TSGA10: variants seen among roughly 807,000 people sequenced by gnomAD.
The protein encoded by TSGA10 is testis specific 10.
Under a neutral mutation model 96.6 loss-of-function variants are expected in TSGA10, and 43 were observed. The ratio of observed to expected loss-of-function variants is 0.44; its 90% confidence interval spans 0.35 to 0.57. The LOEUF (loss-of-function observed/expected upper bound fraction) is 0.57, where lower values mean the gene tolerates loss of function less well. Among genes scored for constraint, TSGA10 ranks in the 20% least tolerant of loss-of-function variants. The probability of loss-of-function intolerance (pLI) is 0.01; values close to 1 mark genes in which losing one functional copy is unlikely to be tolerated. For missense variants in TSGA10, 703 were observed against 834.4 expected (o/e 0.84, Z 1.94); for synonymous variants, 229 against 269.9 (o/e 0.85, Z 1.48).
chr2:99,021,407 A>G (rs1443379413), intron 17 of TSGA10, among the ~76,000 whole-genome samples: 1 of 152,220 alleles, frequency 6.6e-6, no homozygotes, highest in Admixed American at 6.5e-5. Flanking sequence ...TTATATCTCT[A>G]CTAACATAAA....
chr2:99,132,907 A>G (rs2093161007), intron 1 of TSGA10, among the ~76,000 whole-genome samples: 1 of 152,154 alleles, frequency 6.6e-6, no homozygotes, highest in African/African-American at 2.4e-5. Flanking sequence ...CGTGATTTTG[A>G]GTGAGTTTCT....
At chr2:99,004,612 T>C (rs1354968704) in intron 20 of TSGA10, among the ~76,000 whole-genome samples, 1 of 152,108 alleles carries the variant, frequency 6.6e-6, no homozygotes, top group African/African-American at 2.4e-5. Flanking sequence ...AATCTCTGAA[T>C]AGACCAATAA....
rs151009539 is a variant in TSGA10, at chr2:99,103,922, A to G, written c.611+45T>C. On this transcript the variant is annotated intron_variant, in intron 10 of 20. Transcript: ENST00000393483. ...AAAATACACTATAAAAAGCAGAGCT[A>G]TAGTTATAGTAAACTGTTGGTTGTT... 59 of 1,590,808 alleles carry G rather than the reference A, an allele frequency of 3.7e-5. No homozygotes were observed. The African/African-American group carries it at 7.3e-4, about 20-fold the overall frequency.
chr2:99,006,531 G>A (rs1159500708), intron 20 of TSGA10, among the ~76,000 whole-genome samples: 7 of 152,062 alleles, frequency 4.6e-5, no homozygotes, highest in Non-Finnish European at 1.5e-5. Context: ...GCAGCCAAAA[G>A]ACACATGAAA....
In TSGA10 at chr2:99,098,165, C is replaced by T. The variant is rs548580714; in HGVS notation, c.611+5802G>A. 5.3e-5 allele frequency among the ~76,000 whole-genome samples: 8 copies of T among 152,032 alleles called. No homozygotes were observed. The South Asian group carries it at 6.2e-4, about 12-fold the overall frequency. On this transcript the variant is annotated intron_variant, in intron 10 of 20. Transcript: ENST00000393483. Reference sequence around the variant, plus strand: ...TTAGAAAAAAAGGCCTAGCCGGGCACGGTGGCTCACACCTGTAATCCCAGG... The same window carrying T: ...TTAGAAAAAAAGGCCTAGCCGGGCATGGTGGCTCACACCTGTAATCCCAGG...
intron 3 of TSGA10, among the ~76,000 whole-genome samples, chr2:99,118,190 C>T (rs1216253772): frequency 6.6e-6 from 1 of 151,926 alleles, no homozygotes; most frequent in East Asian, 1.9e-4. Flanking sequence ...GTGACTCACA[C>T]TTGTAATCCC....
rs187973604 is a variant in TSGA10 at position 99,012,384 on chromosome 2, G to A, written c.2072+5816C>T. ...CCTAAATAGTCCACTTAAAAGATAC[G>A]GAATGGCAGAATGGATAAAAATTCA... On this transcript the variant is annotated intron_variant, in intron 20 of 20. Coordinates refer to ENST00000393483, the MANE Select transcript of TSGA10 (RefSeq NM_025244.4). Among the ~76,000 whole-genome samples, 7 of 152,144 alleles carry A rather than the reference G, an allele frequency of 4.6e-5. No homozygotes were observed. The East Asian group carries it at 9.7e-4, about 21-fold the overall frequency.
At chr2:99,112,102 A>C (rs2091872462) in intron 4 of TSGA10, among the ~76,000 whole-genome samples, 1 of 152,166 alleles carries the variant, frequency 6.6e-6, no homozygotes, top group South Asian at 2.1e-4. Flanking sequence ...TCCACTCTGA[A>C]AAACAAAATA....
chr2:99,030,233 G>C, intron 17 of TSGA10, among the ~76,000 whole-genome samples: 1 of 152,162 alleles, frequency 6.6e-6, no homozygotes, highest in Middle Eastern at 3.2e-3. Flanking sequence ...TGTAATCCCA[G>C]CTACTCGGGA....
chr2:99,063,086 T>C (rs1006060830), intron 16 of TSGA10, among the ~76,000 whole-genome samples: 1 of 152,148 alleles, frequency 6.6e-6, no homozygotes, highest in Non-Finnish European at 1.5e-5. Context: ...GCAGAATGTA[T>C]GGGAACTTAT....
intron 10 of TSGA10, chr2:99,101,920 A>G (rs2090796126): frequency 1.1e-5 from 7 of 633,540 alleles, no homozygotes; most frequent in Non-Finnish European, 2.0e-5. Context: ...CAAAGGATAC[A>G]GAGGTTCAGT....
intron 16 of TSGA10, among the ~76,000 whole-genome samples, chr2:99,035,813 G>A (rs886990219): frequency 1.3e-5 from 2 of 151,850 alleles, no homozygotes; most frequent in African/African-American, 4.8e-5. Flanking sequence ...TATTGTTGTT[G>A]TTAAAAACAA....
chr2:99,139,933 C>G (rs1476318052), intron 1 of TSGA10, among the ~76,000 whole-genome samples: 1 of 152,174 alleles, frequency 6.6e-6, no homozygotes, highest in Non-Finnish European at 1.5e-5. Context: ...AGTAATACCT[C>G]TAACTGCCTC....
chr2:99,115,075 G>C lies in TSGA10; in HGVS notation c.-140+2469C>G, dbSNP rs1388581375. ...AGCCTCCCAAGTAGCTGGGATTACA[G>C]GCGTATGGCAACACGCCCAGCTATT... On this transcript the variant is annotated intron_variant, in intron 4 of 20. Coordinates refer to ENST00000393483, the MANE Select transcript of TSGA10 (RefSeq NM_025244.4). Among the ~76,000 whole-genome samples the C allele has an allele frequency of 2.6e-5, 4 of 152,118 alleles. No homozygotes were observed. The East Asian group carries it at 7.7e-4, about 29-fold the overall frequency.
chr2:99,102,142 TG>T lies in TSGA10; in HGVS notation c.611+1824del, dbSNP rs1358834977. ...TTAGATAGGGGTTACAAATCGATCATGGAGCTGATGAATATACTTGAACTTC... is the reference window on the plus strand; with the variant it reads ...TTAGATAGGGGTTACAAATCGATCATGAGCTGATGAATATACTTGAACTTC... On this transcript the variant is annotated intron_variant, in intron 10 of 20. Transcript: ENST00000393483. 2.0e-6 allele frequency: 3 copies of T among 1,474,152 alleles called. No homozygotes were observed. In the African/African-American group the frequency reaches 4.2e-5, roughly 20 times the overall value. 91.3% of individuals were successfully genotyped at this position (1,474,152 alleles called of 1,614,324 possible).
chr2:99,131,970 G>A (rs1433081139), intron 1 of TSGA10, among the ~76,000 whole-genome samples: 1 of 152,102 alleles, frequency 6.6e-6, no homozygotes, highest in African/African-American at 2.4e-5. Context: ...CAGGGATGAA[G>A]CCGACTTGAT....
chr2:99,078,921 A>G (rs533747178), intron 11 of TSGA10, 108 bp from the exon 12 acceptor site: 1 of 960,408 alleles, frequency 1.0e-6, no homozygotes, highest in East Asian at 2.7e-5. Flanking sequence ...AATATATATT[A>G]TATTCAATTA....
intron 7 of TSGA10, among the ~76,000 whole-genome samples, chr2:99,108,462 T>C (rs10496335): frequency 0.044 from 6,754 of 152,182 alleles, 319 homozygotes; most frequent in East Asian, 0.21. Context: ...GCAAATTATA[T>C]AAAAGTTCCT....
intron 4 of TSGA10, chr2:99,116,993 T>C (rs780098283): frequency 6.6e-5 from 10 of 152,232 alleles, no homozygotes; most frequent in Non-Finnish European, 1.3e-4. Context: ...TATAACTGTA[T>C]TTTTGTACCA....
Sources: allele counts gnomAD v4.1 joint callset (sites outside exome capture counted in the v4.1 genomes callset), GRCh38; gene constraint gnomAD v4.1.1; transcripts MANE v1.5; gene names NCBI Gene and HGNC (gene_info 2026-07-23, HGNC 2026-07-21).